Variants in KCNA6 observed in about 807,000 individuals in gnomAD.
KCNA6 encodes potassium voltage-gated channel subfamily A member 6.
A neutral mutation model predicts 29.5 loss-of-function variants in KCNA6; 17 were observed. That is an observed-to-expected ratio of 0.58 (90% CI 0.39 to 0.86). The LOEUF is 0.86. KCNA6 is among the 40% of genes least tolerant of loss of function. KCNA6 has a pLI of 0.00. For missense variants in KCNA6, 450 were observed against 703.4 expected (o/e 0.64, Z 4.07); for synonymous variants, 296 against 304.7 (o/e 0.97, Z 0.30).
At chr12:4,844,196 G>C in the KCNA6 span, among the ~76,000 whole-genome samples, 1 of 152,188 alleles carries the variant, frequency 6.6e-6, no homozygotes, top group Non-Finnish European at 1.5e-5. The surrounding 1 kb of genome is among the most constrained non-coding windows in gnomAD (Gnocchi z 4.0). Flanking sequence ...ACAAATTATG[G>C]ATACATGTAG....
At chr12:4,826,229 G>T in the KCNA6 span, among the ~76,000 whole-genome samples, 2 of 152,096 alleles carry the variant, frequency 1.3e-5, no homozygotes, top group Middle Eastern at 6.8e-3. Flanking sequence ...TTTTTTGTTT[G>T]TTTGTTTTGT....
the KCNA6 span, among the ~76,000 whole-genome samples, chr12:4,850,032 C>T: frequency 1.3e-5 from 2 of 152,166 alleles, no homozygotes; most frequent in Non-Finnish European, 2.9e-5. The surrounding 1 kb of genome is among the most constrained non-coding windows in gnomAD (Gnocchi z 5.4). Context: ...CACAGGACTT[C>T]GGGCAGCACA....
chr12:4,832,636 T>G, the KCNA6 span, among the ~76,000 whole-genome samples: 1 of 152,272 alleles, frequency 6.6e-6, no homozygotes, highest in Non-Finnish European at 1.5e-5. Context: ...AATCACCACA[T>G]CAGAATTCAA....
chr12:4,846,126 A>G, the KCNA6 span, among the ~76,000 whole-genome samples: 2 of 152,018 alleles, frequency 1.3e-5, no homozygotes, highest in African/African-American at 4.8e-5. Flanking sequence ...AACTCTGTGC[A>G]TGAAACAAAG....
chr12:4,844,900 C>T, the KCNA6 span, among the ~76,000 whole-genome samples: 6 of 152,300 alleles, frequency 3.9e-5, no homozygotes, highest in Admixed American at 3.9e-4. The surrounding 1 kb of genome is among the most constrained non-coding windows in gnomAD (Gnocchi z 4.0). Context: ...TCATTTTCTT[C>T]ACCTGCTTAA....
At chr12:4,824,172 C>A in the KCNA6 span, among the ~76,000 whole-genome samples, 1 of 152,142 alleles carries the variant, frequency 6.6e-6, no homozygotes, top group African/African-American at 2.4e-5. Context: ...TGCTAACAGG[C>A]CTGGTATGTG....
At chr12:4,823,233 T>A in the KCNA6 span, among the ~76,000 whole-genome samples, 1 of 152,082 alleles carries the variant, frequency 6.6e-6, no homozygotes, top group African/African-American at 2.4e-5. Flanking sequence ...CTTTCACATT[T>A]AAAAAACTAC....
At chr12:4,848,606 C>T in the KCNA6 span, among the ~76,000 whole-genome samples, 1 of 151,952 alleles carries the variant, frequency 6.6e-6, no homozygotes, top group Non-Finnish European at 1.5e-5. Context: ...TCGATCTCGG[C>T]TCACCGCAAC....
chr12:4,829,298 G>C, the KCNA6 span, among the ~76,000 whole-genome samples: 5 of 152,090 alleles, frequency 3.3e-5, no homozygotes, highest in Admixed American at 6.5e-5. Flanking sequence ...TGTACTTACC[G>C]TCTGAGGAGG....
rs12812181 is a variant in KCNA6, at chr12:4,809,891, G to C, written c.-151G>C. On this transcript the variant is annotated 5_prime_UTR_variant, in exon 1 of 1. Coordinates refer to ENST00000280684, the Ensembl canonical transcript of KCNA6. ...CAGGGACCAGGGCTTTAGGGCTCAC[G>C]GACCCAACGGCCAGGTCAGACCGCG... 7.0e-3 allele frequency: 6,068 copies of C among 861,764 alleles called. 29 individuals are homozygous for C. Among genetic ancestry groups the C allele is most frequent in the Middle Eastern group, 8.8e-3 (26 of 2,954 alleles). The allele number at this position is 861,764 out of a possible 1,614,324, so 53.4% of individuals were successfully genotyped here. A position where few individuals can be genotyped will look rare whatever the true frequency, so the allele number is the denominator to read the frequency against.
rs780406945 is a variant in KCNA6, at chr12:4,810,560, C to A, written c.519C>A (p.Ala173=). 6.2e-7 allele frequency: 1 copy of A among 1,614,174 alleles called. No homozygotes were observed. The highest frequency in any genetic ancestry group is 1.1e-5 in the South Asian group (1 of 91,076). Residue 173 remains alanine (A), a synonymous_variant, in exon 1 of 1, where the codon GCC becomes GCA. Transcript: ENST00000280684. This position sits in a 1 kb window ranked among gnomAD's most constrained non-coding sequence, Gnocchi z 7.5. ...AGTACCCAGAGAGCTCTGGGCCGGC[C>A]AGGGGCATCGCCATCGTCTCCGTGT... is the stretch of plus-strand genomic sequence containing the variant.
chr12:4,850,601 G>A, the KCNA6 span: 373 of 321,312 alleles, frequency 1.2e-3, 1 homozygote, highest in African/African-American at 7.2e-3. The surrounding 1 kb of genome is among the most constrained non-coding windows in gnomAD (Gnocchi z 5.4). Context: ...ATGGGGACTC[G>A]GTAGGAGCTC....
chr12:4,813,424 C>T (rs41276718), downstream of KCNA6: 6,056 of 167,170 alleles, frequency 0.036, 146 homozygotes, highest in Middle Eastern at 0.061. Flanking sequence ...TATCCCCATA[C>T]CCCCATAGGC....
At chr12:4,836,648 G>A in the KCNA6 span, among the ~76,000 whole-genome samples, 1 of 152,146 alleles carries the variant, frequency 6.6e-6, no homozygotes, top group Admixed American at 6.5e-5. Flanking sequence ...GAGTCATGAA[G>A]CTGCTTAGAA....
chr12:4,833,335 G>C, the KCNA6 span, among the ~76,000 whole-genome samples: 2 of 152,158 alleles, frequency 1.3e-5, no homozygotes, highest in African/African-American at 4.8e-5. Flanking sequence ...AGGTTGATCA[G>C]GTGGTGCTGC....
the KCNA6 span, among the ~76,000 whole-genome samples, chr12:4,834,916 G>A: frequency 6.6e-6 from 1 of 152,268 alleles, no homozygotes; most frequent in South Asian, 2.1e-4. Context: ...AGAAAGGAAA[G>A]GTGCCCGGTC....
chr12:4,827,887 T>C, the KCNA6 span, among the ~76,000 whole-genome samples: 1 of 152,238 alleles, frequency 6.6e-6, no homozygotes, highest in Non-Finnish European at 1.5e-5. Context: ...TGGACAGGGA[T>C]AGGAAGCCTG....
the KCNA6 span, among the ~76,000 whole-genome samples, chr12:4,843,244 G>C: frequency 2.1e-4 from 32 of 151,218 alleles, no homozygotes; most frequent in African/African-American, 7.8e-4. Context: ...GCAGTGGCGC[G>C]ATCTCGGCTC....
At chr12:4,843,372 G>A in the KCNA6 span, among the ~76,000 whole-genome samples, 7 of 151,980 alleles carry the variant, frequency 4.6e-5, no homozygotes, top group African/African-American at 1.7e-4. Flanking sequence ...AGTAGAGACA[G>A]GGTTTCACCG....
Sources: allele counts gnomAD v4.1 joint callset (sites outside exome capture counted in the v4.1 genomes callset), GRCh38; gene constraint gnomAD v4.1.1; non-coding constraint Gnocchi (gnomAD v3.1); transcripts MANE v1.5; gene names NCBI Gene and HGNC (gene_info 2026-07-23, HGNC 2026-07-21).